The following RGS3 variants were observed in gnomAD, a reference collection of about 807,000 sequenced individuals.
The protein encoded by RGS3 is regulator of G protein signaling 3, also known as regulator of G-protein signalling 3.
In RGS3, 80 loss-of-function variants were observed where a neutral mutation model predicts 132.6. The observed-to-expected ratio is 0.60, with a 90% CI of 0.50 to 0.73. The LOEUF is 0.73. Ranked by LOEUF, RGS3 falls within the 30% of genes least tolerant of loss-of-function variation. RGS3 has a pLI of 0.00. For missense variants in RGS3, 1,382 were observed against 1,530.8 expected, an observed-to-expected ratio of 0.90 and a Z score of 1.62; for synonymous variants, 598 against 620.6, an observed-to-expected ratio of 0.96 and a Z score of 0.54.
intron 21 of RGS3, chr9:113,593,650 C>T (rs1161768529): frequency 6.6e-6 from 3 of 456,150 alleles, no homozygotes; most frequent in Non-Finnish European, 7.8e-6. Context: ...CTGGCAGGAG[C>T]CATTCTCTGG....
At chr9:113,535,401 G>A in intron 18 of RGS3, among the ~76,000 whole-genome samples, 1 of 152,162 alleles carries the variant, frequency 6.6e-6, no homozygotes, top group Non-Finnish European at 1.5e-5. Context: ...TCGAACACCT[G>A]ACCTCATGAT....
At chr9:113,541,839 C>T (rs1261697582) in intron 19 of RGS3, 3 of 991,038 alleles carry the variant, frequency 3.0e-6, no homozygotes, top group Non-Finnish European at 3.6e-6. Flanking sequence ...CCCATCCACT[C>T]ATTTTCCACC....
At chr9:113,505,827 T>C (rs1831105547) in intron 11 of RGS3, among the ~76,000 whole-genome samples, 1 of 152,224 alleles carries the variant, frequency 6.6e-6, no homozygotes. Context: ...GAGAGTCATT[T>C]GTGAACTCTA....
rs7851265 is a variant in RGS3, at chr9:113,541,667, C to G, written c.2037+4749C>G. ...CAGAAAGTCCCAAGAGGAGAGGACT[C>G]AGAGGCTTCTTCCTTCCAAGGAGGA... On this transcript the variant is annotated intron_variant, in intron 19 of 24. Transcript: ENST00000350696. 3,227 of 1,137,462 alleles carry G rather than the reference C, an allele frequency of 2.8e-3. 71 individuals carry two copies. The African/African-American group carries it at 0.049, about 17-fold the overall frequency. 70.5% of individuals were successfully genotyped at this position (1,137,462 alleles called of 1,614,324 possible). A position where few individuals can be genotyped will look rare whatever the true frequency, so the allele number is the denominator to read the frequency against.
chr9:113,507,786 C>T lies in RGS3; in HGVS notation c.1437+148C>T. Reference sequence around the variant, plus strand: ...ATGGGGTATGTGCTAGCTCTGCCTTCTGCAAGGCTGTTCTTGGTAGGGAGG... The same window carrying T: ...ATGGGGTATGTGCTAGCTCTGCCTTTTGCAAGGCTGTTCTTGGTAGGGAGG... On this transcript the variant is annotated intron_variant, in intron 13 of 24. Coordinates refer to ENST00000350696, the Ensembl canonical transcript of RGS3. This position sits in a 1 kb window ranked among gnomAD's most constrained non-coding sequence, Gnocchi z 5.0. 2 of 610,272 alleles carry T rather than the reference C, an allele frequency of 3.3e-6. No homozygotes were observed. Among genetic ancestry groups the T allele is most frequent in the Non-Finnish European group, 5.3e-6 (2 of 374,780 alleles). 37.8% of individuals were successfully genotyped at this position (610,272 alleles called of 1,614,324 possible).
At chr9:113,578,317 A>T (rs1834630454) in intron 19 of RGS3, among the ~76,000 whole-genome samples, 1 of 152,170 alleles carries the variant, frequency 6.6e-6, no homozygotes, top group African/African-American at 2.4e-5. Flanking sequence ...TGAGCTCTGG[A>T]TACTCATTAG....
At chr9:113,561,232 C>T (rs909818626) in intron 19 of RGS3, among the ~76,000 whole-genome samples, 2 of 151,816 alleles carry the variant, frequency 1.3e-5, no homozygotes, top group African/African-American at 4.8e-5. Flanking sequence ...ACCATGTTGG[C>T]CAGGCTGGTC....
intron 19 of RGS3, among the ~76,000 whole-genome samples, chr9:113,538,109 A>G (rs1434062440): frequency 1.3e-5 from 2 of 152,250 alleles, no homozygotes; most frequent in Non-Finnish European, 2.9e-5. Context: ...AACCTGGGAC[A>G]ATAGTCCTTC....
At chr9:113,501,562 G>A (rs1218588136) in intron 10 of RGS3, 14 of 1,545,436 alleles carry the variant, frequency 9.1e-6, no homozygotes, top group Middle Eastern at 2.0e-4. Context: ...GGCAGCCGAG[G>A]CAGGACCCGC....
intron 14 of RGS3, among the ~76,000 whole-genome samples, chr9:113,510,132 T>G (rs527629223): frequency 2.6e-5 from 4 of 152,158 alleles, no homozygotes; most frequent in African/African-American, 9.6e-5. Context: ...GGTATCATTC[T>G]TATGCCTTTG....
At chr9:113,524,432 C>G (rs563114633) in intron 17 of RGS3, among the ~76,000 whole-genome samples, 25 of 152,362 alleles carry the variant, frequency 1.6e-4, no homozygotes, top group African/African-American at 5.8e-4. Flanking sequence ...ATGGAACCCT[C>G]TCTCTGTTGT....
chr9:113,563,345 C>A (rs922203266), intron 19 of RGS3, among the ~76,000 whole-genome samples: 2 of 152,218 alleles, frequency 1.3e-5, no homozygotes, highest in Non-Finnish European at 2.9e-5. Flanking sequence ...AACACAGAGC[C>A]TGGCACAGAG....
At chr9:113,480,560 C>G (rs1022309944) in intron 4 of RGS3, among the ~76,000 whole-genome samples, 4 of 152,168 alleles carry the variant, frequency 2.6e-5, no homozygotes, top group African/African-American at 9.7e-5. Context: ...GCACCCACCC[C>G]TGTCTAGATG....
intron 19 of RGS3, among the ~76,000 whole-genome samples, chr9:113,559,516 C>T (rs1833706570): frequency 6.6e-6 from 1 of 152,218 alleles, no homozygotes. Flanking sequence ...GTGTGGGCTT[C>T]TCCTTGCTGG....
chr9:113,518,398 C>T (rs528116037), intron 16 of RGS3, among the ~76,000 whole-genome samples: 1 of 152,274 alleles, frequency 6.6e-6, no homozygotes, highest in African/African-American at 2.4e-5. Flanking sequence ...GTATCGAGAC[C>T]CAGGTCTGCT....
chr9:113,504,413 C>T (rs1013735277), intron 10 of RGS3, among the ~76,000 whole-genome samples: 1 of 152,176 alleles, frequency 6.6e-6, no homozygotes, highest in Non-Finnish European at 1.5e-5. Context: ...AATGGGCTGG[C>T]AGACCACCCT....
At position 113,462,096 on chromosome 9, in the gene RGS3, TG is replaced by T; in HGVS notation, c.312del (p.Trp104Ter). On this transcript the variant is annotated frameshift_variant, in exon 3 of 25. Coordinates refer to ENST00000350696, the Ensembl canonical transcript of RGS3. LOFTEE classifies it high-confidence loss of function. Reference sequence around the variant, plus strand: ...CCTGAGCTTGCCCATATTCCCTGGCTGGATGGAGTGGCTAAGCCCTGATATC... The same window carrying T: ...CCTGAGCTTGCCCATATTCCCTGGCTGATGGAGTGGCTAAGCCCTGATATC... 6.2e-7 allele frequency: 1 copy of T among 1,614,176 alleles called. No homozygotes were observed. The highest frequency in any genetic ancestry group is 8.5e-7 in the Non-Finnish European group (1 of 1,180,052).
chr9:113,537,937 T>G lies in RGS3; in HGVS notation c.2037+1019T>G, dbSNP rs895160899. 6.6e-6 allele frequency among the ~76,000 whole-genome samples: 1 copy of G among 152,174 alleles called. No individual in the cohort carries two copies. Among genetic ancestry groups the G allele is most frequent in the African/African-American group, 2.4e-5 (1 of 41,434 alleles). On this transcript the variant is annotated intron_variant, in intron 19 of 24. Transcript: ENST00000350696. This position sits in a 1 kb window ranked among gnomAD's most constrained non-coding sequence, Gnocchi z 4.3. ...GATCTGAGAATTACATCATCTTAGCTGTGAACGTTCTCTTGTTTTACACTA... is the reference window on the plus strand; with the variant it reads ...GATCTGAGAATTACATCATCTTAGCGGTGAACGTTCTCTTGTTTTACACTA...
chr9:113,461,838 G>A, exon 2 of RGS3: 4 of 1,613,926 alleles, frequency 2.5e-6, no homozygotes, highest in Non-Finnish European at 3.4e-6. Context: ...CTCTACAGTG[G>A]TCCCTGGCGA....
Sources: allele counts gnomAD v4.1 joint callset (sites outside exome capture counted in the v4.1 genomes callset), GRCh38; gene constraint gnomAD v4.1.1; non-coding constraint Gnocchi (gnomAD v3.1); transcripts MANE v1.5; gene names NCBI Gene and HGNC (gene_info 2026-07-23, HGNC 2026-07-21).